CMTM4: variants seen among roughly 807,000 people sequenced by gnomAD.
The protein encoded by CMTM4 is CKLF-like MARVEL transmembrane domain-containing protein 4.
Under a neutral mutation model 19.0 loss-of-function variants are expected in CMTM4, and 8 were observed. The observed-to-expected ratio is 0.42, with a 90% confidence interval of 0.25 to 0.76. The LOEUF is 0.76. CMTM4 is among the 30% of genes least tolerant of loss of function. The pLI, the probability that CMTM4 is intolerant of heterozygous loss-of-function variation, is 0.27. For missense variants in CMTM4, 228 were observed against 290.2 expected, an observed-to-expected ratio of 0.79 and a Z score of 1.56; for synonymous variants, 106 against 121.1, an observed-to-expected ratio of 0.88 and a Z score of 0.82.
intron 1 of CMTM4, among the ~76,000 whole-genome samples, chr16:66,640,089 C>T (rs1453598837): frequency 2.0e-5 from 3 of 150,242 alleles, no homozygotes; most frequent in East Asian, 2.0e-4. Context: ...TATGGGAGGC[C>T]GAGGCGGGTG....
chr16:66,683,211 A>ATACATATATATATATATATAT (rs56285710), intron 1 of CMTM4, among the ~76,000 whole-genome samples: 1 of 140,010 alleles, frequency 7.1e-6, no homozygotes, highest in Non-Finnish European at 1.5e-5. Flanking sequence ...ATATATATAT[A>ATACATATATATATATATATAT]AATTTTCCCC....
rs1024383370 is a variant in CMTM4 at position 66,617,685 on chromosome 16, C to T, written c.*4373G>A. ...ATATCTGCTGAGAAGAGAAGAAACA[C>T]AAGATTCTACAAAGCGCCAGGGAAG... On this transcript the variant is annotated 3_prime_UTR_variant, in exon 4 of 4. Transcript: ENST00000394106. 1.9e-6 allele frequency: 2 copies of T among 1,051,754 alleles called. No homozygotes were observed. Among genetic ancestry groups the T allele is most frequent in the South Asian group, 3.1e-5 (1 of 31,980 alleles). 65.2% of individuals were successfully genotyped at this position (1,051,754 alleles called of 1,614,324 possible).
downstream of CMTM4, among the ~76,000 whole-genome samples, chr16:66,614,404 C>A (rs568053993): frequency 1.3e-5 from 2 of 152,356 alleles, no homozygotes; most frequent in Non-Finnish European, 2.9e-5. The surrounding 1 kb of genome is among the most constrained non-coding windows in gnomAD (Gnocchi z 4.9). Context: ...GGTTTGGAAG[C>A]TGGTTGCATA....
At position 66,619,883 on chromosome 16, in the gene CMTM4, ACT is replaced by A. The variant is rs2015597118; in HGVS notation, c.*2173_*2174del. On this transcript the variant is annotated 3_prime_UTR_variant, in exon 4 of 4. Coordinates refer to ENST00000394106, the MANE Select transcript of CMTM4 (RefSeq NM_181521.3). ...GAAGATGCAAATTAACTCCTAAGTC[ACT>A]CTCTGGCGTGTCATCCTTTTTGGTC... is the stretch of plus-strand genomic sequence containing the variant. 1.0e-6 allele frequency: 1 copy of A among 985,248 alleles called. No homozygotes were observed. Among genetic ancestry groups the A allele is most frequent in the Non-Finnish European group, 1.2e-6 (1 of 829,888 alleles). 61.0% of individuals were successfully genotyped at this position (985,248 alleles called of 1,614,324 possible). A position where few individuals can be genotyped will look rare whatever the true frequency, so the allele number is the denominator to read the frequency against.
chr16:66,694,712 CAAAAA>C (rs752909314), intron 1 of CMTM4, among the ~76,000 whole-genome samples: 1 of 44,366 alleles, frequency 2.3e-5, no homozygotes, highest in African/African-American at 8.4e-5. Flanking sequence ...GACTCCATCT[CAAAAA>C]AAAAAAAAAA....
chr16:66,640,639 AG>A (rs941987123), intron 1 of CMTM4, among the ~76,000 whole-genome samples: 1 of 152,236 alleles, frequency 6.6e-6, no homozygotes, highest in Non-Finnish European at 1.5e-5. Flanking sequence ...GGACAAGGGC[AG>A]AAGCCAGGAG....
intron 1 of CMTM4, among the ~76,000 whole-genome samples, chr16:66,682,676 C>T (rs1794319304): frequency 6.6e-6 from 1 of 152,102 alleles, no homozygotes; most frequent in African/African-American, 2.4e-5. Flanking sequence ...CTGAAGATCG[C>T]CAGCCTCCCT....
At chr16:66,680,651 G>A (rs1379144336) in intron 1 of CMTM4, among the ~76,000 whole-genome samples, 1 of 151,278 alleles carries the variant, frequency 6.6e-6, no homozygotes, top group Non-Finnish European at 1.5e-5. Context: ...GCGGGCACCT[G>A]TAGTCCCAGC....
At chr16:66,605,781 C>T in the CMTM4 span, among the ~76,000 whole-genome samples, 10 of 152,300 alleles carry the variant, frequency 6.6e-5, no homozygotes, top group African/African-American at 2.4e-4. This position sits in a 1 kb window ranked among gnomAD's most constrained non-coding sequence, Gnocchi z 4.6. Context: ...TGAGAGCGGC[C>T]AGGAGGGTGG....
intron 1 of CMTM4, among the ~76,000 whole-genome samples, chr16:66,669,691 G>A (rs1342124443): frequency 6.6e-6 from 1 of 151,988 alleles, no homozygotes. Context: ...ACAGACACTC[G>A]CTACCATGCC....
At chr16:66,606,361 AGGGCCAGAGCT>A in the CMTM4 span, among the ~76,000 whole-genome samples, 1 of 152,106 alleles carries the variant, frequency 6.6e-6, no homozygotes, top group South Asian at 2.1e-4. Flanking sequence ...CAGGAAGGGG[AGGGCCAGAGCT>A]GGGTCAGTCC....
At chr16:66,692,100 T>G (rs1400890265) in intron 1 of CMTM4, among the ~76,000 whole-genome samples, 2 of 152,070 alleles carry the variant, frequency 1.3e-5, no homozygotes, top group Non-Finnish European at 2.9e-5. Flanking sequence ...TTTTGTTGTT[T>G]TTTTTTTTGA....
rs779685972 is a variant in CMTM4 at position 66,622,055 on chromosome 16, T to A, written c.*3A>T. On this transcript the variant is annotated 3_prime_UTR_variant, in exon 4 of 4. Coordinates refer to ENST00000394106, the MANE Select transcript of CMTM4 (RefSeq NM_181521.3). The surrounding 1 kb of genome is among the most constrained non-coding windows in gnomAD (Gnocchi z 4.0). ...CGGGAGGGAGGAGGATCCAGGCAGG[T>A]CCTCACGTGTCCAGGCGCTGGATCT... 5 of 1,561,388 alleles carry A rather than the reference T, an allele frequency of 3.2e-6. No homozygotes were observed. The African/African-American group carries it at 5.4e-5, about 17-fold the overall frequency.
chr16:66,602,238 A>G, the CMTM4 span, among the ~76,000 whole-genome samples: 42 of 152,186 alleles, frequency 2.8e-4, no homozygotes, highest in Non-Finnish European at 5.9e-4. Flanking sequence ...CTCTACTAAA[A>G]ATACAAAAAT....
At chr16:66,599,038 G>T in the CMTM4 span, among the ~76,000 whole-genome samples, 1 of 152,044 alleles carries the variant, frequency 6.6e-6, no homozygotes, top group African/African-American at 2.4e-5. Flanking sequence ...CCAGCACTTT[G>T]GGAGGCTAAG....
intron 1 of CMTM4, among the ~76,000 whole-genome samples, chr16:66,667,103 T>A (rs911953239): frequency 2.0e-5 from 3 of 152,164 alleles, no homozygotes; most frequent in Non-Finnish European, 4.4e-5. Context: ...GGCAGGCGGA[T>A]CACCTGAGGT....
the CMTM4 span, chr16:66,609,617 G>A: frequency 1.3e-6 from 2 of 1,518,352 alleles, no homozygotes; most frequent in Admixed American, 3.9e-5. This position sits in a 1 kb window ranked among gnomAD's most constrained non-coding sequence, Gnocchi z 4.4. Context: ...GCCTTTCCCT[G>A]CTGGGGCCCC....
At chr16:66,685,070 A>G (rs1422601258) in intron 1 of CMTM4, among the ~76,000 whole-genome samples, 1 of 152,214 alleles carries the variant, frequency 6.6e-6, no homozygotes, top group African/African-American at 2.4e-5. Flanking sequence ...GCACACGGGT[A>G]CTGTCACATG....
chr16:66,617,335 G>C lies in CMTM4; in HGVS notation c.*4723C>G. On this transcript the variant is annotated 3_prime_UTR_variant, in exon 4 of 4. Transcript: ENST00000394106. Reference sequence around the variant, plus strand: ...GTTTGTGGGTGATTTTTTCCTTACTGTTACGTTTGTGGAGTAGGAAAAACT... The same window carrying C: ...GTTTGTGGGTGATTTTTTCCTTACTCTTACGTTTGTGGAGTAGGAAAAACT... 6.2e-7 allele frequency: 1 copy of C among 1,613,724 alleles called. No homozygotes were observed. Among genetic ancestry groups the C allele is most frequent in the Non-Finnish European group, 8.5e-7 (1 of 1,179,872 alleles).
Sources: allele counts gnomAD v4.1 joint callset (sites outside exome capture counted in the v4.1 genomes callset), GRCh38; gene constraint gnomAD v4.1.1; non-coding constraint Gnocchi (gnomAD v3.1); transcripts MANE v1.5; gene names NCBI Gene and HGNC (gene_info 2026-07-23, HGNC 2026-07-21).